GRID1: variants seen among roughly 807,000 people sequenced by gnomAD.
GRID1 encodes glutamate receptor ionotropic, delta-1.
A neutral mutation model predicts 98.0 loss-of-function variants in GRID1; 28 were observed. The observed-to-expected ratio is 0.29, with a 90% CI of 0.21 to 0.39. The LOEUF (loss-of-function observed/expected upper bound fraction) is 0.39. Among genes scored for constraint, GRID1 ranks in the 10% least tolerant of loss-of-function variants. The pLI is 1.00. For missense variants in GRID1, 1,111 were observed against 1,340.5 expected (o/e 0.83, Z 2.67); for synonymous variants, 553 against 538.5 (o/e 1.03, Z -0.37).
At chr10:86,347,239 T>TC (rs1848397852) in intron 2 of GRID1, among the ~76,000 whole-genome samples, 1 of 151,966 alleles carries the variant, frequency 6.6e-6, no homozygotes, top group Admixed American at 6.6e-5. Context: ...CCCAGTCCAA[T>TC]CCCCCCTTAA....
At chr10:86,022,660 G>A (rs925960262) in intron 4 of GRID1, among the ~76,000 whole-genome samples, 1 of 152,140 alleles carries the variant, frequency 6.6e-6, no homozygotes. Flanking sequence ...GCTCACACCT[G>A]TAATCCAAGC....
intron 2 of GRID1, among the ~76,000 whole-genome samples, chr10:86,260,891 A>G (rs958575394): frequency 6.6e-6 from 1 of 152,202 alleles, no homozygotes. Context: ...AATGTTTTGT[A>G]TTTTCTGCTT....
chr10:86,014,882 C>T (rs921078826), intron 4 of GRID1, among the ~76,000 whole-genome samples: 3 of 152,222 alleles, frequency 2.0e-5, no homozygotes, highest in African/African-American at 7.2e-5. Context: ...TAAGCCCCCA[C>T]ATCTACTCAA....
chr10:86,087,090 G>A (rs116883109), intron 4 of GRID1, among the ~76,000 whole-genome samples: 2 of 152,302 alleles, frequency 1.3e-5, no homozygotes, highest in Non-Finnish European at 2.9e-5. Context: ...GTATTTACAT[G>A]GAAGGCATGG....
At chr10:86,230,506 G>A (rs2925831) in intron 2 of GRID1, among the ~76,000 whole-genome samples, 124,701 of 152,042 alleles carry the variant, frequency 0.82, 51,286 homozygotes, top group East Asian at 0.9. Context: ...CTCCTGATCA[G>A]CTCTGGAGAG....
intron 2 of GRID1, among the ~76,000 whole-genome samples, chr10:86,234,035 G>A (rs550949880): frequency 9.4e-4 from 143 of 152,230 alleles, no homozygotes; most frequent in Middle Eastern, 3.4e-3. Context: ...TCCAGTTGCT[G>A]TCCCCTCTCT....
At chr10:85,942,187 TC>T (rs1842004266) in intron 4 of GRID1, among the ~76,000 whole-genome samples, 1 of 152,210 alleles carries the variant, frequency 6.6e-6, no homozygotes, top group African/African-American at 2.4e-5. Context: ...GTCCTCAGTT[TC>T]TCAAAGTCCC....
chr10:85,899,377 G>A (rs1841346164), intron 5 of GRID1, among the ~76,000 whole-genome samples: 2 of 152,190 alleles, frequency 1.3e-5, no homozygotes, highest in South Asian at 4.1e-4. Flanking sequence ...ATCCACATGA[G>A]AGTGCAGATA....
intron 8 of GRID1, among the ~76,000 whole-genome samples, chr10:85,828,381 T>C (rs1443242451): frequency 2.0e-5 from 3 of 148,874 alleles, no homozygotes; most frequent in Non-Finnish European, 4.5e-5. Context: ...CCTAGAGAAA[T>C]GAGAAAAGAA....
At chr10:86,168,602 A>C (rs1845435141) in intron 3 of GRID1, among the ~76,000 whole-genome samples, 1 of 152,204 alleles carries the variant, frequency 6.6e-6, no homozygotes, top group Non-Finnish European at 1.5e-5. Context: ...CTGCACCCTG[A>C]GGAGCTGCCC....
intron 5 of GRID1, among the ~76,000 whole-genome samples, chr10:85,890,779 A>G (rs1393512690): frequency 6.6e-6 from 1 of 152,182 alleles, no homozygotes; most frequent in Non-Finnish European, 1.5e-5. Context: ...GGAGAGAAGA[A>G]GGAAGAGAGA....
At chr10:86,215,051 T>C (rs1846155360) in intron 2 of GRID1, among the ~76,000 whole-genome samples, 1 of 152,156 alleles carries the variant, frequency 6.6e-6, no homozygotes, top group Non-Finnish European at 1.5e-5. Flanking sequence ...CCAACACTCC[T>C]TCTAAGGAGG....
Position 86,237,307 on chromosome 10 carries a change from G to A in GRID1, c.236-30659C>T, listed in dbSNP as rs11816632. ...AATTGTAATCCCCCCAGTGTTGGACGGGGGGCCTGGTGGGAGGTGACTAGA... is the reference window on the plus strand; with the variant it reads ...AATTGTAATCCCCCCAGTGTTGGACAGGGGGCCTGGTGGGAGGTGACTAGA... On this transcript the variant is annotated intron_variant, in intron 2 of 15. Coordinates refer to ENST00000327946, the MANE Select transcript of GRID1 (RefSeq NM_017551.3). Among the ~76,000 whole-genome samples the A allele has an allele frequency of 8.7e-3, 1,319 of 152,234 alleles. 19 individuals carry two copies. Among genetic ancestry groups the A allele is most frequent in the African/African-American group, 0.03 (1,265 of 41,532 alleles).
At chr10:85,640,530 G>C (rs1175287537) in intron 13 of GRID1, among the ~76,000 whole-genome samples, 1 of 152,178 alleles carries the variant, frequency 6.6e-6, no homozygotes, top group African/African-American at 2.4e-5. Context: ...CTACTTCTCA[G>C]TAGGAATTTC....
intron 4 of GRID1, among the ~76,000 whole-genome samples, chr10:85,985,091 T>C (rs1277257848): frequency 6.6e-6 from 1 of 152,112 alleles, no homozygotes; most frequent in African/African-American, 2.4e-5. Context: ...CCCCCAGCTG[T>C]AACAACCAAA....
At chr10:85,779,235 G>T (rs995037495) in intron 8 of GRID1, among the ~76,000 whole-genome samples, 1 of 152,172 alleles carries the variant, frequency 6.6e-6, no homozygotes, top group South Asian at 2.1e-4. Flanking sequence ...CTCAGTCTAC[G>T]AAGGCCTCCA....
At chr10:86,302,311 AG>A (rs1847700464) in intron 2 of GRID1, among the ~76,000 whole-genome samples, 1 of 152,216 alleles carries the variant, frequency 6.6e-6, no homozygotes, top group Non-Finnish European at 1.5e-5. Flanking sequence ...AGGAAAAGAA[AG>A]GGGAACCAGG....
intron 9 of GRID1, 40 bp downstream of exon 9, chr10:85,729,473 G>C (rs879241034): frequency 8.6e-7 from 1 of 1,160,742 alleles, no homozygotes; most frequent in Non-Finnish European, 1.3e-6. Context: ...CAACAGCCTG[G>C]ATGGTGTAGC....
intron 4 of GRID1, among the ~76,000 whole-genome samples, chr10:86,004,759 G>C (rs201805521): frequency 3.7e-3 from 165 of 45,096 alleles, no homozygotes; most frequent in African/African-American, 0.013. Context: ...CACACACACA[G>C]ACTTGATTCT....
Sources: gnomAD v4.1 joint callset for allele counts (sites outside exome capture counted in the v4.1 genomes callset) on GRCh38, gnomAD v4.1.1 for gene constraint, MANE v1.5 for transcripts, NCBI Gene and HGNC (gene_info 2026-07-23, HGNC 2026-07-21) for gene names.